The following MACROD2 variants were observed in gnomAD, a reference collection of about 807,000 sequenced individuals.
The protein encoded by MACROD2 is mono-ADP ribosylhydrolase 2, also known as ADP-ribose glycohydrolase MACROD2.
Under a neutral mutation model 70.4 loss-of-function variants are expected in MACROD2, and 36 were observed. The ratio of observed to expected loss-of-function variants is 0.51; its 90% CI spans 0.39 to 0.68. The LOEUF is 0.68. MACROD2 is among the 30% of genes least tolerant of loss of function. MACROD2 has a pLI of 0.00. For missense variants in MACROD2, 496 were observed against 538.4 expected, an observed-to-expected ratio of 0.92 and a Z score of 0.78; for synonymous variants, 172 against 178.8, an observed-to-expected ratio of 0.96 and a Z score of 0.30.
At chr20:15,737,114 G>A (rs940929530) in intron 8 of MACROD2, among the ~76,000 whole-genome samples, 20 of 152,200 alleles carry the variant, frequency 1.3e-4, no homozygotes, top group African/African-American at 3.9e-4. Flanking sequence ...GAGAAAGAAA[G>A]AAGAAACTAG....
chr20:15,479,997 A>T (rs2047075144), intron 7 of MACROD2, among the ~76,000 whole-genome samples: 1 of 152,248 alleles, frequency 6.6e-6, no homozygotes, highest in Non-Finnish European at 1.5e-5. Context: ...ATGATATGAA[A>T]ATTAATCTTG....
chr20:14,233,595 G>T (rs1170579471), intron 3 of MACROD2, among the ~76,000 whole-genome samples: 4 of 150,510 alleles, frequency 2.7e-5, no homozygotes, highest in Admixed American at 6.6e-5. Flanking sequence ...TACTCGGGAG[G>T]CTGAGGCAGG....
intron 5 of MACROD2, among the ~76,000 whole-genome samples, chr20:15,130,525 C>T (rs1016578857): frequency 2.6e-5 from 4 of 152,064 alleles, no homozygotes; most frequent in Non-Finnish European, 4.4e-5. Context: ...GGACATTTCC[C>T]TAAGGGTGGC....
chr20:14,371,038 T>A (rs1250038799), intron 3 of MACROD2, among the ~76,000 whole-genome samples: 1 of 152,204 alleles, frequency 6.6e-6, no homozygotes, highest in Non-Finnish European at 1.5e-5. Context: ...TTTATTTTTA[T>A]AAGACAGACA....
chr20:14,117,404 C>T (rs915190109), intron 3 of MACROD2, among the ~76,000 whole-genome samples: 4 of 152,054 alleles, frequency 2.6e-5, no homozygotes, highest in African/African-American at 9.7e-5. Context: ...AGTTGGCCCT[C>T]GACAAATACT....
intron 6 of MACROD2, among the ~76,000 whole-genome samples, chr20:15,293,271 C>T (rs1232710310): frequency 6.6e-6 from 1 of 152,138 alleles, no homozygotes; most frequent in Non-Finnish European, 1.5e-5. Context: ...TCAGAAGTAT[C>T]CATTTTACCC....
intron 13 of MACROD2, among the ~76,000 whole-genome samples, chr20:15,977,062 G>A (rs2066317023): frequency 6.6e-6 from 1 of 152,098 alleles, no homozygotes; most frequent in South Asian, 2.1e-4. Flanking sequence ...TGGGACCAGG[G>A]GACACACAGG....
intron 15 of MACROD2, among the ~76,000 whole-genome samples, chr20:16,005,935 A>G (rs778927813): frequency 2.0e-5 from 3 of 152,192 alleles, no homozygotes; most frequent in Admixed American, 6.5e-5. Context: ...TCACCCTTTC[A>G]AAAGCTTTAT....
chr20:14,601,469 C>A (rs1982493279), intron 4 of MACROD2, among the ~76,000 whole-genome samples: 1 of 151,800 alleles, frequency 6.6e-6, no homozygotes, highest in Non-Finnish European at 1.5e-5. Context: ...GGTTGGGGAC[C>A]CCTGGTATAG....
intron 5 of MACROD2, among the ~76,000 whole-genome samples, chr20:14,928,319 A>T (rs1317049071): frequency 6.6e-6 from 1 of 152,188 alleles, no homozygotes; most frequent in Non-Finnish European, 1.5e-5. Context: ...ATCTACCTAG[A>T]TGTTTTTGTT....
intron 5 of MACROD2, chr20:14,905,350 C>T (rs2225304): frequency 0.89 from 134,759 of 152,054 alleles, 59,776 homozygotes; most frequent in East Asian, 1. Context: ...TTTAGGCAAA[C>T]TGAAAAATAA....
intron 4 of MACROD2, among the ~76,000 whole-genome samples, chr20:14,499,016 C>T (rs570717168): frequency 6.6e-6 from 1 of 152,284 alleles, no homozygotes; most frequent in Middle Eastern, 3.4e-3. Flanking sequence ...GGTTACCCCT[C>T]AGGAGAGTCA....
chr20:14,668,812 G>A (rs947182702), intron 4 of MACROD2, among the ~76,000 whole-genome samples: 13 of 151,492 alleles, frequency 8.6e-5, no homozygotes, highest in Admixed American at 8.6e-4. Context: ...GAAGTTATGA[G>A]GGCAAAATCT....
At chr20:14,796,868 C>T (rs1184777877) in intron 5 of MACROD2, among the ~76,000 whole-genome samples, 1 of 152,014 alleles carries the variant, frequency 6.6e-6, no homozygotes, top group African/African-American at 2.4e-5. Context: ...CAACAAACCC[C>T]AGACTGATGC....
intron 3 of MACROD2, among the ~76,000 whole-genome samples, chr20:14,152,531 AT>A (rs2055039853): frequency 6.6e-6 from 1 of 151,314 alleles, no homozygotes; most frequent in Non-Finnish European, 1.5e-5. Flanking sequence ...GGTTCAAGCA[AT>A]TCTCCTGCCT....
intron 5 of MACROD2, among the ~76,000 whole-genome samples, chr20:14,946,056 G>A (rs1853634): frequency 0.16 from 24,400 of 152,076 alleles, 2,360 homozygotes; most frequent in Non-Finnish European, 0.22. Context: ...AAAATTAGCC[G>A]GGCATATTGG....
At chr20:15,325,479 G>C (rs16995531) in intron 6 of MACROD2, among the ~76,000 whole-genome samples, 22,199 of 151,908 alleles carry the variant, frequency 0.15, 1,809 homozygotes, top group African/African-American at 0.22. Context: ...CTTTATATTT[G>C]AGATGATGGT....
chr20:14,734,405 G>T (rs924588444), intron 5 of MACROD2, among the ~76,000 whole-genome samples: 31 of 151,690 alleles, frequency 2.0e-4, no homozygotes, highest in African/African-American at 7.5e-4. Context: ...GGAGGCTGAG[G>T]CAGGAAAATG....
chr20:15,640,894 G>A (rs538039666), intron 8 of MACROD2, among the ~76,000 whole-genome samples: 26 of 152,266 alleles, frequency 1.7e-4, no homozygotes, highest in African/African-American at 3.1e-4. Flanking sequence ...CTGCTGCCTC[G>A]TCTGCCATCC....
Sources: allele counts gnomAD v4.1 joint callset (sites outside exome capture counted in the v4.1 genomes callset), GRCh38; gene constraint gnomAD v4.1.1; transcripts MANE v1.5; gene names NCBI Gene and HGNC (gene_info 2026-07-23, HGNC 2026-07-21).